Variants in FREM2 observed in about 807,000 individuals in gnomAD.
FREM2 encodes FRAS1-related extracellular matrix protein 2.
A neutral mutation model predicts 219.9 loss-of-function variants in FREM2; 119 were observed. That is an observed-to-expected ratio of 0.54 (90% CI 0.47 to 0.63). FREM2 has a LOEUF of 0.63. FREM2 is among the 30% of genes least tolerant of loss of function. The pLI, the probability that FREM2 is intolerant of heterozygous loss-of-function variation, is 0.00. For synonymous variants in FREM2, 1,562 were observed against 1,522.8 expected (o/e 1.03, Z -0.60); for missense variants, 4,030 against 3,993.6 (o/e 1.01, Z -0.25).
rs1185377559 is a variant in FREM2 at position 38,874,129 on chromosome 13, A to G, written c.8177-353A>G. ...GAATAATTCTGGATAACTCAAACCT[A>G]TTTCTATTTACATGTCCGAATCTCC... On this transcript the variant is annotated intron_variant, in intron 17 of 23. Transcript: ENST00000280481. Among the ~76,000 whole-genome samples, 6 of 152,192 alleles carry G rather than the reference A, an allele frequency of 3.9e-5. No individual in the cohort carries two copies. In the East Asian group the frequency reaches 1.2e-3, roughly 29 times the overall value.
At chr13:38,795,317 T>G (rs1422214754) in intron 6 of FREM2, among the ~76,000 whole-genome samples, 1 of 118,440 alleles carries the variant, frequency 8.4e-6, no homozygotes, top group Admixed American at 8.8e-5. Context: ...CTATATGGCT[T>G]TCCAACATAT....
intron 6 of FREM2, among the ~76,000 whole-genome samples, 185 bp from the exon 7 acceptor site, chr13:38,846,388 G>A (rs1877153598): frequency 6.6e-6 from 1 of 152,088 alleles, no homozygotes; most frequent in African/African-American, 2.4e-5. Flanking sequence ...ATGTTCGATT[G>A]TAAGGACTAA....
intron 2 of FREM2, among the ~76,000 whole-genome samples, chr13:38,757,882 C>A (rs1256943792): frequency 2.0e-5 from 3 of 152,146 alleles, no homozygotes; most frequent in Admixed American, 2.0e-4. Flanking sequence ...GCCACCACAC[C>A]CGGTCCCATT....
At chr13:38,875,090 C>T (rs556962199) in intron 18 of FREM2, among the ~76,000 whole-genome samples, 6 of 151,936 alleles carry the variant, frequency 3.9e-5, no homozygotes, top group Admixed American at 1.3e-4. Flanking sequence ...AACTGTGATT[C>T]GCTGTGCTTT....
Position 38,877,829 on chromosome 13 carries a change from C to T in FREM2, c.8672-305C>T, listed in dbSNP as rs146390599. Among the ~76,000 whole-genome samples the T allele has an allele frequency of 7.7e-3, 1,172 of 152,188 alleles. 15 individuals are homozygous for T. The highest frequency in any genetic ancestry group is 0.026 in the African/African-American group (1,074 of 41,498). On this transcript the variant is annotated intron_variant, in intron 21 of 23. Coordinates refer to ENST00000280481, the MANE Select transcript of FREM2 (RefSeq NM_207361.6). ...CTTATTTTTGTAAACTGGACTTGGACCACAATGGGATATTATTAATGCCAA... is the reference window on the plus strand; with the variant it reads ...CTTATTTTTGTAAACTGGACTTGGATCACAATGGGATATTATTAATGCCAA...
At chr13:38,874,832 C>G (rs1878288206) in intron 18 of FREM2, among the ~76,000 whole-genome samples, 1 of 152,078 alleles carries the variant, frequency 6.6e-6, no homozygotes, top group Non-Finnish European at 1.5e-5. Flanking sequence ...AAAGGAAACC[C>G]TATTGAGTTC....
At chr13:38,710,496 C>G (rs1870726594) in intron 2 of FREM2, among the ~76,000 whole-genome samples, 1 of 152,208 alleles carries the variant, frequency 6.6e-6, no homozygotes, top group Non-Finnish European at 1.5e-5. Context: ...ATCTGTTAAT[C>G]AATCGAGATG....
rs1429515434 is a variant in FREM2 at position 38,691,688 on chromosome 13, C to T, written c.4344C>T (p.Asp1448=). The T allele has an allele frequency of 1.1e-5, 18 of 1,614,106 alleles. No individual in the cohort carries two copies. Among genetic ancestry groups the T allele is most frequent in the East Asian group, 4.5e-5 (2 of 44,876 alleles). Residue 1448 remains aspartate, a synonymous_variant, in exon 1 of 24, where the codon GAC becomes GAT. Transcript: ENST00000280481. ...CAACAGACCTACTAAGCACTAGTGA[C>T]TTGAACAGTCCTGATGAAAACTTGG... is the stretch of plus-strand genomic sequence containing the variant. ...TLTTDLLSTS[D]LNSPDENLVF...
rs1555265208 is a variant in FREM2, at chr13:38,753,973, T to TTTA, written c.5264-10329_5264-10328insATT. On this transcript the variant is annotated intron_variant, in intron 2 of 23. Transcript: ENST00000280481. ...ACACATTCTTTTTATTTTATTTTATTTTTTATTTTATTTTATTTTATTTTT... is the reference window on the plus strand; with the variant it reads ...ACACATTCTTTTTATTTTATTTTATTTTATTTTATTTTATTTTATTTTATTTTT... Among the ~76,000 whole-genome samples the TTTA allele has an allele frequency of 4.2e-4, 62 of 148,492 alleles. 1 individual carries two copies. The South Asian group carries it at 0.012, about 30-fold the overall frequency.
At chr13:38,861,593 A>AT in intron 15 of FREM2, 31 bp downstream of exon 15, 1 of 1,611,732 alleles carries the variant, frequency 6.2e-7, no homozygotes, top group Non-Finnish European at 8.5e-7. Context: ...AATCCATGGA[A>AT]TTGTTTTGGA....
intron 2 of FREM2, among the ~76,000 whole-genome samples, chr13:38,725,373 A>G (rs111630504): frequency 2.0e-5 from 3 of 151,528 alleles, no homozygotes; most frequent in African/African-American, 7.3e-5. Flanking sequence ...GTTTAAAACA[A>G]AAGGAAACAA....
At chr13:38,876,446 T>TTAAAAAAAAA in intron 20 of FREM2, 64 bp downstream of exon 20, 1 of 1,111,536 alleles carries the variant, frequency 9.0e-7, no homozygotes, top group Non-Finnish European at 1.3e-6. Context: ...CATTTATTAG[T>TTAAAAAAAAA]AAAAAAAAAA....
chr13:38,792,395 A>G (rs1200978546), intron 6 of FREM2, among the ~76,000 whole-genome samples: 1 of 152,096 alleles, frequency 6.6e-6, no homozygotes, highest in Non-Finnish European at 1.5e-5. Context: ...ATGAATCAAA[A>G]TGTCTCTGGA....
intron 1 of FREM2, among the ~76,000 whole-genome samples, chr13:38,697,087 A>G (rs1870141905): frequency 6.6e-6 from 1 of 152,162 alleles, no homozygotes; most frequent in African/African-American, 2.4e-5. Context: ...CGCATGAGCC[A>G]CCGTGTCCAG....
chr13:38,732,642 C>T (rs867133407), intron 2 of FREM2, among the ~76,000 whole-genome samples: 2 of 152,096 alleles, frequency 1.3e-5, no homozygotes, highest in African/African-American at 2.4e-5. Flanking sequence ...TGTGGTGCCC[C>T]GAGCTGTGCA....
intron 2 of FREM2, among the ~76,000 whole-genome samples, chr13:38,708,710 T>A (rs112209769): frequency 0.097 from 14,707 of 152,144 alleles, 883 homozygotes; most frequent in South Asian, 0.2. Flanking sequence ...CTGCCATAAT[T>A]TTCTAAACTG....
At chr13:38,851,596 C>A (rs182108192) in intron 10 of FREM2, 90 bp from the exon 11 acceptor site, 21 of 998,202 alleles carry the variant, frequency 2.1e-5, no homozygotes, top group African/African-American at 1.9e-4. Flanking sequence ...AGTCATTTAT[C>A]CCCTCCCACA....
chr13:38,842,787 A>C (rs1037227723), intron 6 of FREM2, among the ~76,000 whole-genome samples: 1 of 152,086 alleles, frequency 6.6e-6, no homozygotes, highest in African/African-American at 2.4e-5. Context: ...AAAGAACTTA[A>C]ATTGTTTCTC....
intron 2 of FREM2, among the ~76,000 whole-genome samples, chr13:38,706,623 C>T (rs138850083): frequency 6.6e-6 from 1 of 152,236 alleles, no homozygotes; most frequent in Non-Finnish European, 1.5e-5. Flanking sequence ...TAAAAGAATG[C>T]TTCTTGATTT....
Sources: gnomAD v4.1 joint callset for allele counts (sites outside exome capture counted in the v4.1 genomes callset) on GRCh38, gnomAD v4.1.1 for gene constraint, MANE v1.5 for transcripts, NCBI Gene and HGNC (gene_info 2026-07-23, HGNC 2026-07-21) for gene names.